Variants in SORBS2 observed in about 807,000 individuals in gnomAD.
The protein encoded by SORBS2 is sorbin and SH3 domain containing 2, also known as sorbin and SH3 domain-containing protein 2.
Under a neutral mutation model 97.7 loss-of-function variants are expected in SORBS2, and 46 were observed. That is an observed-to-expected ratio of 0.47 (90% confidence interval 0.37 to 0.60). The LOEUF (loss-of-function observed/expected upper bound fraction) is 0.60. Among genes scored for constraint, SORBS2 ranks in the 20% least tolerant of loss-of-function variants. SORBS2 has a pLI of 0.00. For missense variants in SORBS2, 1,316 were observed against 1,282.3 expected (o/e 1.03, Z -0.40); for synonymous variants, 476 against 473.4 (o/e 1.01, Z -0.07).
rs143709217 is a variant in SORBS2 at position 185,736,945 on chromosome 4, T to C, written c.-198+38282A>G. Reference sequence around the variant, plus strand: ...TGGCACGGTTTCTCCCTGTGCCCCATTGCTAACATTTCTCCTTCGAGTTGG... The same window carrying C: ...TGGCACGGTTTCTCCCTGTGCCCCACTGCTAACATTTCTCCTTCGAGTTGG... On this transcript the variant is annotated intron_variant, in intron 2 of 20. Coordinates refer to the SORBS2 transcript ENST00000284776. 7.7e-3 allele frequency among the ~76,000 whole-genome samples: 1,166 copies of C among 152,270 alleles called. 6 individuals are homozygous for C. Among genetic ancestry groups the C allele is most frequent in the Admixed American group, 9.7e-3 (148 of 15,302 alleles).
intron 1 of SORBS2, among the ~76,000 whole-genome samples, chr4:185,887,735 A>G (rs1371728457): frequency 3.3e-5 from 5 of 152,248 alleles, no homozygotes; most frequent in Non-Finnish European, 7.4e-5. Flanking sequence ...ATAGGAAACT[A>G]TTCTTCAATT....
intron 2 of SORBS2, among the ~76,000 whole-genome samples, chr4:185,697,921 T>C (rs2098200981): frequency 6.6e-6 from 1 of 152,232 alleles, no homozygotes; most frequent in Non-Finnish European, 1.5e-5. Flanking sequence ...AATTTTTATA[T>C]ATTGAAATAT....
chr4:185,820,027 TAAAA>T (rs1217959183), intron 1 of SORBS2, among the ~76,000 whole-genome samples: 1 of 152,192 alleles, frequency 6.6e-6, no homozygotes, highest in Non-Finnish European at 1.5e-5. Context: ...TTAATTAGCA[TAAAA>T]GGGTATTAGG....
chr4:185,879,167 C>CA lies in SORBS2; in HGVS notation c.-338+77028_-338+77029insT. 6.8e-5 allele frequency among the ~76,000 whole-genome samples: 5 copies of CA among 73,710 alleles called. No individual in the cohort carries two copies. The Middle Eastern group carries it at 0.015, about 228-fold the overall frequency. The allele number at this position is 73,710 out of a possible 152,430, so 48.4% of individuals were successfully genotyped here. On this transcript the variant is annotated intron_variant, in intron 1 of 20. Coordinates refer to the SORBS2 transcript ENST00000284776. ...GGTATATCTCCTAATGCTATCCCTC[C>CA]CCCCCCCCCACCCCACGACAGGCCC...
rs531435095 is a variant in SORBS2, at chr4:185,910,484, A to G, written c.-338+45712T>C. ...TGTCCTCCCTTCTCTCTTGCCTCAT[A>G]TTCAGAACACAGATAGAGCTTGAAG... On this transcript the variant is annotated intron_variant, in intron 1 of 20. Coordinates refer to the SORBS2 transcript ENST00000284776. Among the ~76,000 whole-genome samples the G allele has an allele frequency of 2.0e-5, 3 of 152,254 alleles. No individual in the cohort carries two copies. The East Asian group carries it at 5.8e-4, about 29-fold the overall frequency.
chr4:185,634,733 G>A (rs895844650), intron 4 of SORBS2, among the ~76,000 whole-genome samples: 2 of 151,940 alleles, frequency 1.3e-5, no homozygotes, highest in African/African-American at 4.8e-5. Flanking sequence ...GATTGCAAAC[G>A]CATTTCATTT....
In SORBS2 at chr4:185,879,176, CA is replaced by C. The variant is rs1462844984; in HGVS notation, c.-338+77019del. Among the ~76,000 whole-genome samples the C allele has an allele frequency of 7.7e-4, 66 of 85,256 alleles. 1 individual carries two copies. The highest frequency in any genetic ancestry group is 2.6e-3 in the African/African-American group (41 of 15,744). 55.9% of individuals were successfully genotyped at this position (85,256 alleles called of 152,430 possible). A position where few individuals can be genotyped will look rare whatever the true frequency, so the allele number is the denominator to read the frequency against. On this transcript the variant is annotated intron_variant, in intron 1 of 20. Coordinates refer to the SORBS2 transcript ENST00000284776. ...CCTAATGCTATCCCTCCCCCCCCCC[CA>C]CCCCACGACAGGCCCCGGTGTGTGA...
At chr4:185,645,365 A>G (rs898471025) in intron 4 of SORBS2, among the ~76,000 whole-genome samples, 33 of 152,250 alleles carry the variant, frequency 2.2e-4, no homozygotes, top group African/African-American at 7.7e-4. Flanking sequence ...TAAATGGGTT[A>G]CAAGTTTGCA....
At chr4:185,921,597 C>A (rs768526832) in intron 1 of SORBS2, among the ~76,000 whole-genome samples, 4 of 152,058 alleles carry the variant, frequency 2.6e-5, no homozygotes, top group Non-Finnish European at 5.9e-5. Context: ...TACAACAAGA[C>A]CCTGTCTCTG....
In SORBS2 at chr4:185,606,248, T is replaced by G. The variant is rs556145541; in HGVS notation, c.2796+5532A>C. ...TTGACGATTAAAGATGTGGAGTTTTTAGAATAGTGTCTGATACTCAGTAAG... is the reference window on the plus strand; with the variant it reads ...TTGACGATTAAAGATGTGGAGTTTTGAGAATAGTGTCTGATACTCAGTAAG... On this transcript the variant is annotated intron_variant, in intron 12 of 14. Coordinates refer to ENST00000418609, the Ensembl canonical transcript of SORBS2. This position sits in a 1 kb window ranked among gnomAD's most constrained non-coding sequence, Gnocchi z 4.3. The G allele has an allele frequency of 3.0e-6, 3 of 985,330 alleles. No homozygotes were observed. The highest frequency in any genetic ancestry group is 9.4e-5 in the South Asian group (2 of 21,286). The allele number at this position is 985,330 out of a possible 1,614,324, so 61.0% of individuals were successfully genotyped here.
intron 2 of SORBS2, among the ~76,000 whole-genome samples, chr4:185,743,013 C>T (rs1273867192): frequency 2.0e-5 from 3 of 152,166 alleles, no homozygotes; most frequent in East Asian, 3.9e-4. Context: ...GACGTGGTGG[C>T]GACCAGCTGG....
rs536778814 is a variant in SORBS2 at position 185,624,441 on chromosome 4, C to T, written c.688G>A (p.Gly230Ser). 6 of 1,613,802 alleles carry T rather than the reference C, an allele frequency of 3.7e-6. No individual in the cohort carries two copies. Among genetic ancestry groups the T allele is most frequent in the South Asian group, 1.1e-5 (1 of 91,076 alleles). The change falls in exon 7 of 15, where the codon GGC (glycine) becomes AGC (serine). Residue 230 changes from glycine (G) to serine (S), a missense_variant. Gly to Ser is a moderately conservative substitution (Grantham distance 56). Coordinates refer to ENST00000418609, the Ensembl canonical transcript of SORBS2. ...TAATCTAACTCACTGGAGGGGTTGCCGTTGAGCCCTGAGTAACTGCAAAGG... is the reference window on the plus strand; with the variant it reads ...TAATCTAACTCACTGGAGGGGTTGCTGTTGAGCCCTGAGTAACTGCAAAGG...
At chr4:185,703,427 T>C (rs1275305995) in intron 2 of SORBS2, among the ~76,000 whole-genome samples, 1 of 152,178 alleles carries the variant, frequency 6.6e-6, no homozygotes. Flanking sequence ...GCATTCCAAA[T>C]ATTACGTTTT....
intron 1 of SORBS2, among the ~76,000 whole-genome samples, chr4:185,886,563 A>AAAGAAAAGAAAAGAAAAG (rs2099239679): frequency 7.8e-6 from 1 of 127,556 alleles, no homozygotes; most frequent in African/African-American, 3.0e-5. Flanking sequence ...TCAAAAAAAA[A>AAAGAAAAGAAAAGAAAAG]AAAAAAAAAA....
At chr4:185,835,138 AG>A (rs1380191975) in intron 1 of SORBS2, among the ~76,000 whole-genome samples, 5 of 152,164 alleles carry the variant, frequency 3.3e-5, no homozygotes, top group Non-Finnish European at 7.3e-5. Flanking sequence ...CATGAGTAAA[AG>A]CTTCCTGAAG....
intron 1 of SORBS2, among the ~76,000 whole-genome samples, chr4:185,656,059 GA>G (rs2097395711): frequency 1.3e-5 from 2 of 152,116 alleles, no homozygotes; most frequent in Admixed American, 1.3e-4. Context: ...TTTTGAGTCA[GA>G]AATCTTAGAA....
At chr4:185,662,596 G>A (rs1369568555) in intron 4 of SORBS2, among the ~76,000 whole-genome samples, 1 of 152,206 alleles carries the variant, frequency 6.6e-6, no homozygotes, top group Non-Finnish European at 1.5e-5. Context: ...CGTAACATCA[G>A]CAATCAGAAC....
chr4:185,815,965 T>G (rs1218377456), intron 1 of SORBS2, among the ~76,000 whole-genome samples: 1 of 152,254 alleles, frequency 6.6e-6, no homozygotes, highest in Admixed American at 6.5e-5. Flanking sequence ...TAAGATTAGT[T>G]GATGAAGACA....
At chr4:185,591,808 G>A (rs186232180) in intron 13 of SORBS2, 4 of 152,334 alleles carry the variant, frequency 2.6e-5, no homozygotes, top group African/African-American at 9.6e-5. Context: ...AGGTCTCAGA[G>A]CTAACGCAAC....
Sources: gnomAD v4.1 joint callset for allele counts (sites outside exome capture counted in the v4.1 genomes callset) on GRCh38, gnomAD v4.1.1 for gene constraint, Gnocchi (gnomAD v3.1) non-coding constraint, MANE v1.5 for transcripts, NCBI Gene and HGNC (gene_info 2026-07-23, HGNC 2026-07-21) for gene names.